Variants in ADA observed in about 807,000 individuals in gnomAD.
ADA encodes the protein adenosine aminohydrolase.
Under a neutral mutation model 49.0 loss-of-function variants are expected in ADA, and 45 were observed. The observed-to-expected ratio is 0.92, with a 90% CI of 0.72 to 1.18. The LOEUF (loss-of-function observed/expected upper bound fraction) is 1.18. ADA is among the 50% of genes most tolerant of loss of function. The pLI, the probability that ADA is intolerant of heterozygous loss-of-function variation, is 0.00. For synonymous variants in ADA, 173 were observed against 184.2 expected (o/e 0.94, Z 0.49); for missense variants, 445 against 472.5 (o/e 0.94, Z 0.54).
chr20:44,637,706 C>A (rs540293532), intron 1 of ADA, among the ~76,000 whole-genome samples: 8 of 152,248 alleles, frequency 5.3e-5, no homozygotes, highest in African/African-American at 1.9e-4. Flanking sequence ...AACCCAGGCC[C>A]AGGGGAGGCC....
At chr20:44,634,797 C>T (rs910992605) in intron 2 of ADA, among the ~76,000 whole-genome samples, 1 of 152,224 alleles carries the variant, frequency 6.6e-6, no homozygotes, top group African/African-American at 2.4e-5. Flanking sequence ...GGCAACCCCC[C>T]GGGATCCCTC....
intron 2 of ADA, among the ~76,000 whole-genome samples, chr20:44,631,324 A>G (rs2145328984): frequency 6.6e-6 from 1 of 152,184 alleles, no homozygotes; most frequent in East Asian, 1.9e-4. Flanking sequence ...CTGCAGGGGA[A>G]CGGTGCCCTG....
rs1314099957 is a variant in ADA at position 44,634,051 on chromosome 20, G to C, written c.95+2176C>G. Among the ~76,000 whole-genome samples, 6 of 152,370 alleles carry C rather than the reference G, an allele frequency of 3.9e-5. No homozygotes were observed. In the South Asian group the frequency reaches 1.2e-3, roughly 32 times the overall value. ...ACGCCATCTCCAAGGCCCAGAGGTG[G>C]TGTGAGGAATGGACGATCAGACCAG... is the stretch of plus-strand genomic sequence containing the variant. On this transcript the variant is annotated intron_variant, in intron 2 of 11. Transcript: ENST00000372874.
chr20:44,636,036 T>C (rs1194235615), intron 2 of ADA, 191 bp downstream of exon 2: 1 of 617,304 alleles, frequency 1.6e-6, no homozygotes, highest in Non-Finnish European at 2.9e-6. Context: ...GCTCAGGAGT[T>C]GGTCTGCGGG....
Position 44,629,051 on chromosome 20 carries a change from T to A in ADA, c.214A>T (p.Ile72Phe), listed in dbSNP as rs148785262. Residue 72 changes from isoleucine to phenylalanine, a missense_variant, in exon 3 of 12, where the codon ATC becomes TTC. Coordinates refer to ENST00000372874, the MANE Select transcript of ADA (RefSeq NM_000022.4). ...LAKFDYYMPA[I>F]AGCREAIKRI... Reference sequence around the variant, plus strand: ...TGTGGGTTGGGGGCAACTCACGCGATAGCAGGCATGTAGTAGTCAAACTTG... The same window carrying A: ...TGTGGGTTGGGGGCAACTCACGCGAAAGCAGGCATGTAGTAGTCAAACTTG... 3.7e-6 allele frequency: 6 copies of A among 1,614,040 alleles called. No individual in the cohort carries two copies. The African/African-American group carries it at 8.0e-5, about 22-fold the overall frequency.
At chr20:44,649,522 G>A (rs1351808327) in intron 1 of ADA, among the ~76,000 whole-genome samples, 1 of 152,000 alleles carries the variant, frequency 6.6e-6, no homozygotes, top group Admixed American at 6.6e-5. Context: ...TGTGGACACT[G>A]AGGTCCCAAT....
intron 1 of ADA, among the ~76,000 whole-genome samples, chr20:44,640,136 G>A (rs1481227073): frequency 3.9e-5 from 6 of 152,148 alleles, no homozygotes; most frequent in East Asian, 1.9e-4. Flanking sequence ...TATATGGGTC[G>A]GGCGTGGTGG....
At chr20:44,651,044 A>C (rs1415672100) in intron 1 of ADA, among the ~76,000 whole-genome samples, 1 of 152,150 alleles carries the variant, frequency 6.6e-6, no homozygotes, top group East Asian at 1.9e-4. Context: ...GCGCGGGGGA[A>C]GGGGGGTGCT....
intron 2 of ADA, among the ~76,000 whole-genome samples, chr20:44,631,309 A>G (rs1035488929): frequency 2.6e-5 from 4 of 152,052 alleles, no homozygotes; most frequent in African/African-American, 9.7e-5. Flanking sequence ...AATCCCTGTA[A>G]GAGCCTGCAG....
intron 6 of ADA, 124 bp from the exon 7 acceptor site, chr20:44,623,202 C>G: frequency 7.0e-7 from 1 of 1,428,090 alleles, no homozygotes; most frequent in Non-Finnish European, 9.6e-7. Flanking sequence ...CATGGGGAAA[C>G]CTGGTCTTTT....
At chr20:44,629,417 A>T (rs1241742831) in intron 2 of ADA, among the ~76,000 whole-genome samples, 1 of 150,280 alleles carries the variant, frequency 6.7e-6, no homozygotes, top group East Asian at 2.0e-4. Flanking sequence ...AACAGGTTGA[A>T]GTGTGTGTGT....
chr20:44,633,138 G>A (rs1344561294), intron 2 of ADA, among the ~76,000 whole-genome samples: 8 of 152,212 alleles, frequency 5.3e-5, no homozygotes, highest in South Asian at 2.1e-4. Flanking sequence ...GAGCTCAGGG[G>A]TTGCAGGTCA....
intron 1 of ADA, among the ~76,000 whole-genome samples, chr20:44,645,437 C>T (rs1478578528): frequency 6.6e-6 from 1 of 150,756 alleles, no homozygotes; most frequent in Non-Finnish European, 1.5e-5. Flanking sequence ...TTATGGCCAA[C>T]ATGGTGAAAC....
rs761846813 is a variant in ADA, at chr20:44,623,063, C to T, written c.622G>A (p.Gly208Ser). Residue 208 changes from glycine to serine, a missense_variant, in exon 7 of 12, where the codon GGC becomes AGC. Coordinates refer to ENST00000372874, the MANE Select transcript of ADA (RefSeq NM_000022.4). ...CCGGCGTGGACAGTACGGTGAATGC[C>T]GCTCTTCACAGCCTCCTGGAAGGGG... ...VQAYQEAVKS[G>S]IHRTVHAGEV... is the part of the protein sequence containing the mutation. 53 of 1,613,926 alleles carry T rather than the reference C, an allele frequency of 3.3e-5. No individual in the cohort carries two copies. The highest frequency in any genetic ancestry group is 2.2e-4 in the Admixed American group (13 of 59,996).
At chr20:44,638,918 A>C (rs2065505944) in intron 1 of ADA, among the ~76,000 whole-genome samples, 1 of 152,022 alleles carries the variant, frequency 6.6e-6, no homozygotes, top group Admixed American at 6.5e-5. Context: ...AGAAAATTCC[A>C]GGCAGAAGGA....
Position 44,622,611 on chromosome 20 carries a change from C to T in ADA, c.822G>A (p.Pro274=), listed in dbSNP as rs562095440. ...ACCGAATGACTGCATGCTCCGTGTC[C>T]GGCTTCCAGGCACCAGTGAGGTAGC... ...WSSYLTGAWK[P]DTEHAVIRLK... The change falls in exon 9 of 12, where the codon CCG becomes CCA. Residue 274 remains proline (P), a synonymous_variant. Coordinates refer to ENST00000372874, the MANE Select transcript of ADA (RefSeq NM_000022.4). The T allele has an allele frequency of 1.0e-4, 169 of 1,614,230 alleles. 2 individuals carry two copies. In the South Asian group the frequency reaches 1.4e-3, roughly 13 times the overall value.
intron 9 of ADA, among the ~76,000 whole-genome samples, chr20:44,621,567 G>C (rs1013229269): frequency 6.6e-6 from 1 of 152,132 alleles, no homozygotes; most frequent in African/African-American, 2.4e-5. Flanking sequence ...GCTGTTCTTG[G>C]CACGATCCCT....
chr20:44,628,596 C>T (rs950405545), intron 3 of ADA, among the ~76,000 whole-genome samples: 2 of 152,166 alleles, frequency 1.3e-5, no homozygotes, highest in South Asian at 4.2e-4. Flanking sequence ...AGTACTCGCC[C>T]ATACCCCTTC....
chr20:44,644,184 G>A (rs59877370), intron 1 of ADA, among the ~76,000 whole-genome samples: 79,186 of 148,754 alleles, frequency 0.53, 21,857 homozygotes, highest in East Asian at 0.76. Flanking sequence ...GCTCGCCTCC[G>A]GCAGTTGGGT....
Sources: allele counts gnomAD v4.1 joint callset (sites outside exome capture counted in the v4.1 genomes callset), GRCh38; gene constraint gnomAD v4.1.1; transcripts MANE v1.5; gene names NCBI Gene and HGNC (gene_info 2026-07-23, HGNC 2026-07-21).